The following GLIS3 variants were observed in gnomAD, a reference collection of about 807,000 sequenced individuals.
The protein encoded by GLIS3 is zinc finger protein GLIS3.
In GLIS3, 53 loss-of-function variants were observed where a neutral mutation model predicts 78.6. That is an observed-to-expected ratio of 0.67 (90% confidence interval 0.54 to 0.85). The LOEUF is 0.85. Ranked by LOEUF, GLIS3 falls within the 40% of genes least tolerant of loss-of-function variation. The pLI is 0.00. For missense variants in GLIS3, 1,703 were observed against 1,231.1 expected (o/e 1.38, Z -5.74); for synonymous variants, 684 against 509.9 (o/e 1.34, Z -4.60).
intron 4 of GLIS3, among the ~76,000 whole-genome samples, chr9:4,008,937 T>A (rs1821779773): frequency 6.6e-6 from 1 of 152,006 alleles, no homozygotes; most frequent in Non-Finnish European, 1.5e-5. Context: ...ACTCACAGCC[T>A]AGGGCTCTTT....
intron 4 of GLIS3, among the ~76,000 whole-genome samples, chr9:4,075,699 A>C (rs1429911256): frequency 6.6e-6 from 1 of 152,244 alleles, no homozygotes; most frequent in Admixed American, 6.5e-5. Context: ...TCAAAACCAG[A>C]AACAACCCAA....
At chr9:3,839,405 C>A (rs1028160481) in intron 9 of GLIS3, among the ~76,000 whole-genome samples, 4 of 152,098 alleles carry the variant, frequency 2.6e-5, no homozygotes, top group African/African-American at 9.7e-5. Context: ...CTTGCTTTGG[C>A]ATTTTGGAAA....
chr9:4,027,033 A>G (rs1027932365), intron 4 of GLIS3, among the ~76,000 whole-genome samples: 4 of 152,138 alleles, frequency 2.6e-5, no homozygotes, highest in Non-Finnish European at 5.9e-5. Context: ...GGAGAGAGCA[A>G]TGGGGATCCT....
Position 4,210,557 on chromosome 9 carries a change from G to C in GLIS3, c.388+75481C>G, listed in dbSNP as rs189357760. Among the ~76,000 whole-genome samples the C allele has an allele frequency of 3.1e-3, 466 of 152,136 alleles. 2 individuals are homozygous for C. The highest frequency in any genetic ancestry group is 0.011 in the South Asian group (55 of 4,814). On this transcript the variant is annotated intron_variant, in intron 2 of 10. Transcript: ENST00000381971. The stretch of plus-strand genomic sequence containing the variant: ...CTAAGCAGCAATTTTTTTTTTAAGA[G>C]CAAATTTTAGTGAGCTGCCCTGGGA...
At chr9:3,929,062 A>C (rs771258030) in intron 6 of GLIS3, among the ~76,000 whole-genome samples, 4 of 152,168 alleles carry the variant, frequency 2.6e-5, no homozygotes, top group Non-Finnish European at 5.9e-5. Flanking sequence ...TCACTTACTC[A>C]TTATCAGACA....
chr9:4,322,074 T>C (rs1666459804), intron 2 of GLIS3, among the ~76,000 whole-genome samples: 1 of 152,082 alleles, frequency 6.6e-6, no homozygotes, highest in Admixed American at 6.5e-5. Flanking sequence ...TTCCCCGCCC[T>C]GTGTCCAAGT....
chr9:3,838,616 G>C (rs74997301), intron 9 of GLIS3, among the ~76,000 whole-genome samples: 13,314 of 152,232 alleles, frequency 0.087, 639 homozygotes, highest in Non-Finnish European at 0.098. Flanking sequence ...ACTTGGGTCA[G>C]TTAGGTGCTT....
intron 4 of GLIS3, among the ~76,000 whole-genome samples, chr9:4,008,800 T>C (rs1473376332): frequency 6.6e-6 from 1 of 152,154 alleles, no homozygotes; most frequent in African/African-American, 2.4e-5. Flanking sequence ...TGAAAGAAAC[T>C]TTAGAGATGA....
intron 4 of GLIS3, among the ~76,000 whole-genome samples, chr9:3,990,579 G>A (rs986353462): frequency 6.6e-6 from 1 of 152,044 alleles, no homozygotes; most frequent in Non-Finnish European, 1.5e-5. Context: ...GGCTCTGTAG[G>A]GTGAACAGAA....
At chr9:3,842,583 G>C (rs1818790903) in intron 9 of GLIS3, among the ~76,000 whole-genome samples, 1 of 152,206 alleles carries the variant, frequency 6.6e-6, no homozygotes, top group Non-Finnish European at 1.5e-5. Context: ...GCCACGGTGA[G>C]AGGGCATTGA....
At chr9:4,471,755 T>G in the GLIS3 span, among the ~76,000 whole-genome samples, 9 of 152,006 alleles carry the variant, frequency 5.9e-5, no homozygotes, top group African/African-American at 2.2e-4. Flanking sequence ...AATTGACAAA[T>G]GGGATCTAAT....
the GLIS3 span, among the ~76,000 whole-genome samples, chr9:4,455,502 G>T: frequency 2.0e-5 from 3 of 152,134 alleles, no homozygotes; most frequent in African/African-American, 7.2e-5. Flanking sequence ...TCTAGTTCCA[G>T]CCCTGTCACT....
intron 8 of GLIS3, among the ~76,000 whole-genome samples, chr9:3,868,243 C>T (rs919307836): frequency 6.6e-6 from 1 of 152,218 alleles, no homozygotes; most frequent in Non-Finnish European, 1.5e-5. Flanking sequence ...GACACGCAGT[C>T]GTGCAGTGAA....
chr9:4,207,894 C>T (rs1181525994), intron 2 of GLIS3, among the ~76,000 whole-genome samples: 1 of 152,170 alleles, frequency 6.6e-6, no homozygotes, highest in African/African-American at 2.4e-5. Flanking sequence ...ATTCTAACTT[C>T]GCTTTCTTTA....
At chr9:3,916,211 C>T (rs907322484) in intron 6 of GLIS3, among the ~76,000 whole-genome samples, 10 of 152,138 alleles carry the variant, frequency 6.6e-5, no homozygotes, top group Admixed American at 4.6e-4. Flanking sequence ...CCATAGTAAT[C>T]GAACATCAAG....
rs530915215 is a variant in GLIS3 at position 3,959,177 on chromosome 9, G to C, written c.1711-21988C>G. Among the ~76,000 whole-genome samples, 23 of 152,316 alleles carry C rather than the reference G, an allele frequency of 1.5e-4. No individual in the cohort carries two copies. The East Asian group carries it at 4.4e-3, about 29-fold the overall frequency. On this transcript the variant is annotated intron_variant, in intron 4 of 10. Coordinates refer to ENST00000381971, the MANE Select transcript of GLIS3 (RefSeq NM_001042413.2). ...GGCATTCTGCAAGGATTAATGGGCA[G>C]AGCCCTCTTGAATGGGATTAATGCC... is the stretch of plus-strand genomic sequence containing the variant.
At chr9:3,915,383 A>AC (rs1824441096) in intron 6 of GLIS3, among the ~76,000 whole-genome samples, 1 of 152,228 alleles carries the variant, frequency 6.6e-6, no homozygotes, top group Non-Finnish European at 1.5e-5. Flanking sequence ...TGCTCACGGT[A>AC]TACAGATTCC....
At chr9:4,414,229 C>A in the GLIS3 span, among the ~76,000 whole-genome samples, 1 of 152,078 alleles carries the variant, frequency 6.6e-6, no homozygotes, top group Admixed American at 6.6e-5. Context: ...AAAAATGTAG[C>A]AGGGAAGGAC....
At chr9:3,993,045 G>C (rs916898321) in intron 4 of GLIS3, among the ~76,000 whole-genome samples, 1 of 152,166 alleles carries the variant, frequency 6.6e-6, no homozygotes, top group Non-Finnish European at 1.5e-5. Context: ...TTACACGTGA[G>C]CCAGATGTTG....
Sources: gnomAD v4.1 joint callset for allele counts (sites outside exome capture counted in the v4.1 genomes callset) on GRCh38, gnomAD v4.1.1 for gene constraint, MANE v1.5 for transcripts, NCBI Gene and HGNC (gene_info 2026-07-23, HGNC 2026-07-21) for gene names.